Variants in PRMT3 observed in about 807,000 individuals in gnomAD.
PRMT3 encodes the protein protein arginine methyltransferase 3, also known as protein arginine N-methyltransferase 3.
A neutral mutation model predicts 71.9 loss-of-function variants in PRMT3; 62 were observed. That is an observed-to-expected ratio of 0.86 (90% confidence interval 0.70 to 1.07). The LOEUF is 1.07. Among genes scored for constraint, PRMT3 ranks in the 50% least tolerant of loss-of-function variants. The pLI, the probability that PRMT3 is intolerant of heterozygous loss-of-function variation, is 0.00. For synonymous variants in PRMT3, 213 were observed against 220.4 expected (o/e 0.97, Z 0.30); for missense variants, 663 against 643.0 (o/e 1.03, Z -0.34).
chr11:20,407,595 A>G (rs1849098770), intron 8 of PRMT3: 1 of 187,988 alleles, frequency 5.3e-6, no homozygotes, highest in African/African-American at 2.4e-5. Flanking sequence ...TAGGAAGCAC[A>G]AAGTAGTAGC....
chr11:20,477,740 GTAATGTCGTATT>G (rs901087304), intron 13 of PRMT3, among the ~76,000 whole-genome samples: 19 of 151,588 alleles, frequency 1.3e-4, no homozygotes, highest in Non-Finnish European at 2.1e-4. Context: ...TAATTGAATA[GTAATGTCGTATT>G]AATAGAGATA....
chr11:20,414,248 G>A (rs1338455766), intron 9 of PRMT3, among the ~76,000 whole-genome samples: 1 of 152,060 alleles, frequency 6.6e-6, no homozygotes, highest in African/African-American at 2.4e-5. Flanking sequence ...AGGTGATCTA[G>A]CATTTCTAAA....
chr11:20,465,848 T>TTAG (rs780978174), intron 13 of PRMT3, among the ~76,000 whole-genome samples: 14 of 152,140 alleles, frequency 9.2e-5, no homozygotes, highest in Non-Finnish European at 1.3e-4. Flanking sequence ...TCAATTGAAA[T>TTAG]TAGGCTAAAG....
chr11:20,480,658 G>T (rs1850909532), intron 13 of PRMT3, among the ~76,000 whole-genome samples: 1 of 152,162 alleles, frequency 6.6e-6, no homozygotes, highest in Non-Finnish European at 1.5e-5. Flanking sequence ...GGTTATTCTA[G>T]TAGCTTTGCA....
chr11:20,418,689 A>G (rs1367483423), intron 9 of PRMT3, among the ~76,000 whole-genome samples: 1 of 152,180 alleles, frequency 6.6e-6, no homozygotes, highest in Non-Finnish European at 1.5e-5. Context: ...TCATTGTTAA[A>G]GCCTTAATCA....
At chr11:20,436,211 G>T (rs1361488874) in intron 10 of PRMT3, among the ~76,000 whole-genome samples, 1 of 152,136 alleles carries the variant, frequency 6.6e-6, no homozygotes. Flanking sequence ...GAGGTTTTTA[G>T]ATTTTCTGTA....
At position 20,461,967 on chromosome 11, in the gene PRMT3, T is replaced by G; in HGVS notation, c.1073-13T>G. The G allele has an allele frequency of 1.3e-6, 2 of 1,500,736 alleles. No homozygotes were observed. Among genetic ancestry groups the G allele is most frequent in the South Asian group, 2.9e-5 (2 of 69,584 alleles). 93.0% of individuals were successfully genotyped at this position (1,500,736 alleles called of 1,614,324 possible). A position where few individuals can be genotyped will look rare whatever the true frequency, so the allele number is the denominator to read the frequency against. On this transcript the variant is annotated splice_polypyrimidine_tract_variant and intron_variant, in intron 11 of 15. Transcript: ENST00000331079. ...AGATAATGCTTAATTGTTGGGCATT[T>G]TGTTTGTTACAGTCTACCCTGACAT...
At chr11:20,426,664 T>G in intron 9 of PRMT3, 102 bp from the exon 10 acceptor site, 2 of 1,172,648 alleles carry the variant, frequency 1.7e-6, no homozygotes, top group Non-Finnish European at 2.2e-6. Flanking sequence ...GAAATACTTT[T>G]TTGTCCCACA....
At chr11:20,504,749 A>AGC (rs1851549781) in intron 15 of PRMT3, among the ~76,000 whole-genome samples, 1 of 150,790 alleles carries the variant, frequency 6.6e-6, no homozygotes, top group African/African-American at 2.4e-5. Context: ...AGAGAGAGCG[A>AGC]GAGCGACTGA....
chr11:20,490,260 G>C (rs1031096488), intron 13 of PRMT3, among the ~76,000 whole-genome samples: 23 of 152,028 alleles, frequency 1.5e-4, no homozygotes, highest in African/African-American at 5.1e-4. Context: ...GACTGTGCTT[G>C]AAGACTCAAA....
chr11:20,413,083 T>TA (rs71063632), intron 9 of PRMT3, among the ~76,000 whole-genome samples: 124,387 of 151,764 alleles, frequency 0.82, 52,897 homozygotes, highest in Non-Finnish European at 0.95. Context: ...AACCTATGGA[T>TA]GTTTGAAAAG....
intron 15 of PRMT3, among the ~76,000 whole-genome samples, chr11:20,499,344 A>G (rs1851403753): frequency 6.6e-6 from 1 of 152,196 alleles, no homozygotes; most frequent in African/African-American, 2.4e-5. Context: ...GATAGGGGCC[A>G]GGCGTGGTGG....
In PRMT3 at chr11:20,387,726, G is replaced by A; in HGVS notation, c.-21G>A. 1 of 1,526,206 alleles carries A rather than the reference G, an allele frequency of 6.6e-7. No individual in the cohort carries two copies. Among genetic ancestry groups the A allele is most frequent in the African/African-American group, 1.4e-5 (1 of 71,232 alleles). 94.5% of individuals were successfully genotyped at this position (1,526,206 alleles called of 1,614,324 possible). A position where few individuals can be genotyped will look rare whatever the true frequency, so the allele number is the denominator to read the frequency against. On this transcript the variant is annotated 5_prime_UTR_variant, in exon 1 of 16. Coordinates refer to ENST00000331079, the MANE Select transcript of PRMT3 (RefSeq NM_005788.4). The surrounding 1 kb of genome is among the most constrained non-coding windows in gnomAD (Gnocchi z 4.3). ...CCGGTCCCCGCCCCCAGACACGCCG[G>A]GCTCTCGGGGCACCACAGCCATGTG...
At chr11:20,405,641 A>G (rs897234068) in intron 8 of PRMT3, 3 of 152,220 alleles carry the variant, frequency 2.0e-5, no homozygotes, top group Admixed American at 6.5e-5. Context: ...ATGCATTTGT[A>G]TATACATTAT....
intron 10 of PRMT3, among the ~76,000 whole-genome samples, chr11:20,428,194 G>A (rs1193148212): frequency 6.6e-6 from 1 of 152,102 alleles, no homozygotes; most frequent in Non-Finnish European, 1.5e-5. Context: ...TGAATTGAAA[G>A]AGTAGATATG....
intron 10 of PRMT3, among the ~76,000 whole-genome samples, chr11:20,439,827 A>T (rs1025988634): frequency 1.3e-5 from 2 of 152,216 alleles, no homozygotes; most frequent in Middle Eastern, 3.2e-3. Context: ...AGCAGCCTGT[A>T]TACTCTTATG....
At chr11:20,398,614 G>A (rs986015637) in intron 7 of PRMT3, among the ~76,000 whole-genome samples, 2 of 152,102 alleles carry the variant, frequency 1.3e-5, no homozygotes, top group African/African-American at 4.8e-5. Context: ...CACGGCGCCT[G>A]GCTAATTTTT....
intron 9 of PRMT3, among the ~76,000 whole-genome samples, chr11:20,426,084 C>T (rs973245523): frequency 1.3e-5 from 2 of 152,142 alleles, no homozygotes; most frequent in African/African-American, 4.8e-5. Context: ...ATCTTATGAT[C>T]AAGTGTATAA....
At chr11:20,412,538 G>A (rs1590044843) in intron 9 of PRMT3, among the ~76,000 whole-genome samples, 5 of 151,756 alleles carry the variant, frequency 3.3e-5, no homozygotes, top group African/African-American at 1.2e-4. Context: ...AATTTTTCAC[G>A]ATTTTTTTTA....
Sources: allele counts gnomAD v4.1 joint callset (sites outside exome capture counted in the v4.1 genomes callset), GRCh38; gene constraint gnomAD v4.1.1; non-coding constraint Gnocchi (gnomAD v3.1); transcripts MANE v1.5; gene names NCBI Gene and HGNC (gene_info 2026-07-23, HGNC 2026-07-21).